Variants in ASAH1 observed in about 807,000 individuals in gnomAD.
ASAH1 encodes N-acylsphingosine amidohydrolase 1.
In ASAH1, 70 loss-of-function variants were observed where a neutral mutation model predicts 59.5. The observed-to-expected ratio is 1.18, with a 90% CI of 0.97 to 1.43. The LOEUF (loss-of-function observed/expected upper bound fraction) is 1.43, where lower values mean the gene tolerates loss of function less well. Among genes scored for constraint, ASAH1 ranks in the 40% most tolerant of loss-of-function variants. The pLI, the probability that ASAH1 is intolerant of heterozygous loss-of-function variation, is 0.00. For missense variants in ASAH1, 660 were observed against 482.5 expected (o/e 1.37, Z -3.45); for synonymous variants, 213 against 166.5 (o/e 1.28, Z -2.15).
rs1800374419 is a variant in ASAH1 at position 18,075,649 on chromosome 8, T to A, written c.79-62A>T. 18 of 1,491,002 alleles carry A rather than the reference T, an allele frequency of 1.2e-5. No homozygotes were observed. In the South Asian group the frequency reaches 2.0e-4, roughly 17 times the overall value. The allele number at this position is 1,491,002 out of a possible 1,614,324, so 92.4% of individuals were successfully genotyped here. A position where few individuals can be genotyped will look rare whatever the true frequency, so the allele number is the denominator to read the frequency against. ...AAATGCTTGCCAACGGAATAAGCAA[T>A]TTCAAAAGTAGTTAATCTGTGAAGA... is the stretch of plus-strand genomic sequence containing the variant. On this transcript the variant is annotated intron_variant, in intron 1 of 13. Transcript: ENST00000637790.
chr8:18,063,383 G>A (rs1380139093), intron 6 of ASAH1, 153 bp from the exon 7 acceptor site: 15 of 704,514 alleles, frequency 2.1e-5, no homozygotes, highest in East Asian at 1.6e-4. Context: ...AGCTCACTGC[G>A]ACCTCTGCCT....
At chr8:18,061,850 G>T (rs1799715653) in intron 8 of ASAH1, 110 bp from the exon 9 acceptor site, 3 of 1,012,006 alleles carry the variant, frequency 3.0e-6, no homozygotes, top group Non-Finnish European at 4.5e-6. Context: ...GGGTAATGGG[G>T]AAGGCAAAAA....
chr8:18,076,274 C>A (rs775693102), intron 1 of ASAH1: 1 of 154,562 alleles, frequency 6.5e-6, no homozygotes, highest in South Asian at 2.0e-4. Context: ...TTCATACCCT[C>A]CTTTCCTCCC....
At chr8:18,071,525 G>A in intron 2 of ASAH1, 135 bp from the exon 3 acceptor site, 6 of 622,254 alleles carry the variant, frequency 9.6e-6, no homozygotes, top group South Asian at 4.9e-5. Context: ...CCAAAATTTG[G>A]AAAGAAAGTT....
chr8:18,067,048 A>ACATG (rs760623743), intron 5 of ASAH1, 172 bp downstream of exon 5: 6 of 292,086 alleles, frequency 2.1e-5, no homozygotes, highest in Non-Finnish European at 4.2e-5. Flanking sequence ...AGTCATGGCT[A>ACATG]CATGCATGCA....
chr8:18,063,305 T>A, intron 6 of ASAH1, 75 bp from the exon 7 acceptor site: 1 of 1,187,530 alleles, frequency 8.4e-7, no homozygotes, highest in Non-Finnish European at 1.2e-6. Flanking sequence ...TTAATTTTGA[T>A]TAATTAATTT....
At chr8:18,082,335 G>C (rs1352696387) in intron 1 of ASAH1, among the ~76,000 whole-genome samples, 2 of 152,140 alleles carry the variant, frequency 1.3e-5, no homozygotes, top group African/African-American at 4.8e-5. Context: ...ACTGCTCTGA[G>C]TCCCACAGCT....
At position 18,084,066 on chromosome 8, in the gene ASAH1, G is replaced by A. The variant is rs367617910; in HGVS notation, c.-8C>T. ...GCAACTCCGGCCCGGCATCGCTCTA[G>A]CAGCCAACGCCACTCCCCGGACTCC... On this transcript the variant is annotated 5_prime_UTR_variant, in exon 1 of 14. Transcript: ENST00000637790. 21 of 1,598,362 alleles carry A rather than the reference G, an allele frequency of 1.3e-5. No individual in the cohort carries two copies. In the African/African-American group the frequency reaches 2.1e-4, roughly 16 times the overall value.
intron 10 of ASAH1, 186 bp downstream of exon 10, chr8:18,061,191 T>C (rs1468845218): frequency 1.9e-6 from 1 of 519,594 alleles, no homozygotes; most frequent in Non-Finnish European, 3.4e-6. Flanking sequence ...AATTCATTTA[T>C]TTGCTATAAA....
chr8:18,059,501 T>A (rs200718467), intron 11 of ASAH1, 37 bp from the exon 12 acceptor site: 1 of 1,614,204 alleles, frequency 6.2e-7, no homozygotes, highest in Non-Finnish European at 8.5e-7. Flanking sequence ...TTAGGCTACA[T>A]GCCTTAAAAC....
chr8:18,061,041 C>G (rs1180920847), intron 10 of ASAH1: 1 of 246,020 alleles, frequency 4.1e-6, no homozygotes, highest in Non-Finnish European at 8.0e-6. Context: ...GCATAAGCCA[C>G]TGTGCCTGGT....
chr8:18,084,401 C>G, upstream of ASAH1: 5 of 1,398,872 alleles, frequency 3.6e-6, no homozygotes, highest in Non-Finnish European at 4.6e-6. Context: ...GGGCCGGGAG[C>G]TTCACCCGTG....
At chr8:18,069,128 G>A (rs182592002) in intron 4 of ASAH1, among the ~76,000 whole-genome samples, 89 of 134,264 alleles carry the variant, frequency 6.6e-4, no homozygotes, top group African/African-American at 2.4e-3. Flanking sequence ...GCTACAGAGT[G>A]AGATGAGGTC....
At chr8:18,079,741 T>C (rs1450792960) in intron 1 of ASAH1, among the ~76,000 whole-genome samples, 1 of 152,258 alleles carries the variant, frequency 6.6e-6, no homozygotes, top group East Asian at 1.9e-4. Flanking sequence ...TTTTCATTCA[T>C]TCAATTCTTG....
intron 1 of ASAH1, among the ~76,000 whole-genome samples, chr8:18,078,216 A>C (rs756828790): frequency 3.3e-5 from 5 of 152,232 alleles, no homozygotes; most frequent in Non-Finnish European, 5.9e-5. Flanking sequence ...TTCCAAAGCC[A>C]AAATAAACAT....
intron 12 of ASAH1, 91 bp downstream of exon 12, chr8:18,059,250 A>G: frequency 1.3e-6 from 2 of 1,591,190 alleles, no homozygotes; most frequent in Non-Finnish European, 1.7e-6. Context: ...TAGGACGTTT[A>G]TAAATTACTT....
intron 1 of ASAH1, among the ~76,000 whole-genome samples, chr8:18,078,130 T>C (rs1485987131): frequency 3.9e-5 from 6 of 152,176 alleles, no homozygotes; most frequent in African/African-American, 1.4e-4. Flanking sequence ...TGGTGATCAC[T>C]AGAATCAACT....
chr8:18,083,930 C>T, intron 1 of ASAH1, 51 bp downstream of exon 1: 1 of 1,569,078 alleles, frequency 6.4e-7, no homozygotes, highest in Non-Finnish European at 8.6e-7. Flanking sequence ...CGCCTCCATC[C>T]GCGCCCGCAC....
chr8:18,078,779 G>C (rs555114681), intron 1 of ASAH1, among the ~76,000 whole-genome samples: 48 of 152,238 alleles, frequency 3.2e-4, no homozygotes, highest in African/African-American at 1.0e-3. Context: ...ATGATAAGAA[G>C]AGAGATTATG....
Sources: gnomAD v4.1 joint callset for allele counts (sites outside exome capture counted in the v4.1 genomes callset) on GRCh38, gnomAD v4.1.1 for gene constraint, MANE v1.5 for transcripts, NCBI Gene and HGNC (gene_info 2026-07-23, HGNC 2026-07-21) for gene names.